The following DAAM1 variants were observed in gnomAD, a reference collection of about 807,000 sequenced individuals.
DAAM1 encodes disheveled-associated activator of morphogenesis 1.
Under a neutral mutation model 130.0 loss-of-function variants are expected in DAAM1, and 52 were observed. The ratio of observed to expected loss-of-function variants is 0.40; its 90% CI spans 0.32 to 0.50. The LOEUF (loss-of-function observed/expected upper bound fraction) is 0.50, where lower values mean the gene tolerates loss of function less well. Ranked by LOEUF, DAAM1 falls within the 20% of genes least tolerant of loss-of-function variation. The probability of loss-of-function intolerance (pLI) is 0.61; values close to 1 mark genes in which losing one functional copy is unlikely to be tolerated. For missense variants in DAAM1, 1,134 were observed against 1,303.8 expected (o/e 0.87, Z 2.01); for synonymous variants, 452 against 444.5 (o/e 1.02, Z -0.21).
At chr14:59,228,618 C>T (rs149474148) in intron 1 of DAAM1, among the ~76,000 whole-genome samples, 1 of 152,304 alleles carries the variant, frequency 6.6e-6, no homozygotes, top group African/African-American at 2.4e-5. Context: ...ATTTGGGTTT[C>T]ATCACTCAGA....
intron 1 of DAAM1, among the ~76,000 whole-genome samples, chr14:59,212,744 TA>T (rs1248006691): frequency 6.6e-6 from 1 of 152,198 alleles, no homozygotes; most frequent in African/African-American, 2.4e-5. Flanking sequence ...AATTTTTTTT[TA>T]AAGGCCATTG....
intron 2 of DAAM1, 67 bp downstream of exon 2, chr14:59,263,727 A>G (rs1264862867): frequency 1.9e-6 from 3 of 1,602,624 alleles, no homozygotes; most frequent in Non-Finnish European, 2.6e-6. Context: ...GAGGATGTGA[A>G]TGAGTTGGTT....
chr14:59,232,639 T>G (rs9635236), intron 1 of DAAM1, among the ~76,000 whole-genome samples: 34,515 of 151,732 alleles, frequency 0.23, 4,116 homozygotes, highest in East Asian at 0.33. Context: ...TTCTCTTTTT[T>G]TTTTTCTTTT....
At position 59,330,286 on chromosome 14, in the gene DAAM1, C is replaced by CAGAAT. The variant is rs3047875; in HGVS notation, c.1373-215_1373-214insAGAAT. Among the ~76,000 whole-genome samples the CAGAAT allele has an allele frequency of 1.1e-3, 174 of 151,942 alleles. 2 individuals carry two copies. Among genetic ancestry groups the CAGAAT allele is most frequent in the African/African-American group, 3.8e-3 (159 of 41,434 alleles). On this transcript the variant is annotated intron_variant, in intron 12 of 24. Transcript: ENST00000360909. ...GTAGGCTCTCTTCTTCAGTCTCTTA[C>CAGAAT]GTAGTTAATAATAACATTGTTCATC... is the stretch of plus-strand genomic sequence containing the variant.
intron 2 of DAAM1, among the ~76,000 whole-genome samples, chr14:59,286,595 T>TAAC (rs970090649): frequency 3.4e-4 from 51 of 151,974 alleles, no homozygotes; most frequent in African/African-American, 1.1e-3. Flanking sequence ...ATGACAAAGG[T>TAAC]AACATTACAA....
intron 3 of DAAM1, 64 bp from the exon 4 acceptor site, chr14:59,315,216 A>G (rs1472019569): frequency 1.4e-6 from 2 of 1,435,590 alleles, no homozygotes; most frequent in East Asian, 4.5e-5. Context: ...TGGAAGTCGG[A>G]TGTGTTTCTA....
intron 1 of DAAM1, among the ~76,000 whole-genome samples, chr14:59,239,058 G>A (rs1302571203): frequency 6.6e-6 from 1 of 152,306 alleles, no homozygotes; most frequent in African/African-American, 2.4e-5. Context: ...TTACTCAGCT[G>A]TAAAGTAGAA....
chr14:59,188,927 C>A (rs1887637454), intron 1 of DAAM1, among the ~76,000 whole-genome samples, 159 bp downstream of exon 1: 1 of 152,164 alleles, frequency 6.6e-6, no homozygotes, highest in Non-Finnish European at 1.5e-5. Context: ...AAATATTAAA[C>A]CCGTCCTTCA....
intron 3 of DAAM1, among the ~76,000 whole-genome samples, chr14:59,311,346 T>G (rs1293556619): frequency 1.3e-5 from 2 of 152,136 alleles, no homozygotes; most frequent in Non-Finnish European, 2.9e-5. Flanking sequence ...AATTATTTGC[T>G]GTGGGAGGTG....
At chr14:59,215,509 C>T (rs1305292079) in intron 1 of DAAM1, among the ~76,000 whole-genome samples, 1 of 152,220 alleles carries the variant, frequency 6.6e-6, no homozygotes. Context: ...AAGCTTGCCA[C>T]CGACCATGCT....
chr14:59,238,038 A>T (rs573864470), intron 1 of DAAM1, among the ~76,000 whole-genome samples: 1 of 152,324 alleles, frequency 6.6e-6, no homozygotes, highest in South Asian at 2.1e-4. Flanking sequence ...GGCTCAGGTC[A>T]TGGTAAAATG....
chr14:59,366,938 T>TAACA (rs1421718343), intron 23 of DAAM1, among the ~76,000 whole-genome samples: 1 of 146,646 alleles, frequency 6.8e-6, no homozygotes, highest in Non-Finnish European at 1.5e-5. Context: ...AAAAAACTAA[T>TAACA]AACATATGCA....
At chr14:59,337,725 A>G (rs985312734) in intron 15 of DAAM1, among the ~76,000 whole-genome samples, 1 of 152,138 alleles carries the variant, frequency 6.6e-6, no homozygotes, top group Non-Finnish European at 1.5e-5. Context: ...AGGGCCACGA[A>G]TGGCTGCACA....
At chr14:59,236,076 T>TC (rs35530428) in intron 1 of DAAM1, among the ~76,000 whole-genome samples, 7 of 152,150 alleles carry the variant, frequency 4.6e-5, no homozygotes, top group African/African-American at 1.7e-4. Context: ...TAAATTTTGT[T>TC]CCCCCCAACC....
At chr14:59,363,894 G>A in intron 23 of DAAM1, 112 bp downstream of exon 23, 2 of 1,454,068 alleles carry the variant, frequency 1.4e-6, no homozygotes, top group Non-Finnish European at 9.3e-7. Context: ...CAAACTTCGT[G>A]GTGCAGGAAA....
chr14:59,353,815 G>A, intron 18 of DAAM1, 61 bp from the exon 19 acceptor site: 1 of 1,529,532 alleles, frequency 6.5e-7, no homozygotes. Flanking sequence ...CTCCATATCT[G>A]TTATTAAGTG....
chr14:59,363,505 A>T, intron 22 of DAAM1, 146 bp from the exon 23 acceptor site: 2 of 1,159,968 alleles, frequency 1.7e-6, no homozygotes, highest in Non-Finnish European at 2.4e-6. Context: ...CAGGGGCACT[A>T]GAGTATAACA....
intron 17 of DAAM1, among the ~76,000 whole-genome samples, chr14:59,349,058 C>G (rs1228888900): frequency 6.6e-6 from 1 of 152,218 alleles, no homozygotes; most frequent in Non-Finnish European, 1.5e-5. Context: ...TTTCTAGCTC[C>G]TTCACGTACC....
chr14:59,345,231 A>G (rs1034702565), intron 16 of DAAM1, among the ~76,000 whole-genome samples: 1 of 152,090 alleles, frequency 6.6e-6, no homozygotes, highest in African/African-American at 2.4e-5. Flanking sequence ...AGTAGGGGGA[A>G]TTTTCTAACG....
Sources: gnomAD v4.1 joint callset for allele counts (sites outside exome capture counted in the v4.1 genomes callset) on GRCh38, gnomAD v4.1.1 for gene constraint, MANE v1.5 for transcripts, NCBI Gene and HGNC (gene_info 2026-07-23, HGNC 2026-07-21) for gene names.